The following EHBP1 variants were observed in gnomAD, a reference collection of about 807,000 sequenced individuals.
EHBP1 encodes the protein EH domain-binding protein 1.
Under a neutral mutation model 144.0 loss-of-function variants are expected in EHBP1, and 55 were observed. The observed-to-expected ratio is 0.38, with a 90% CI of 0.31 to 0.48. The LOEUF (loss-of-function observed/expected upper bound fraction) is 0.48, where lower values mean the gene tolerates loss of function less well. Among genes scored for constraint, EHBP1 ranks in the 20% least tolerant of loss-of-function variants. EHBP1 has a pLI of 0.98. For synonymous variants in EHBP1, 469 were observed against 472.7 expected (o/e 0.99, Z 0.10); for missense variants, 1,200 against 1,364.2 (o/e 0.88, Z 1.90).
intron 15 of EHBP1, chr2:62,987,949 A>G: frequency 6.3e-7 from 1 of 1,586,320 alleles, no homozygotes; most frequent in Admixed American, 1.7e-5. Context: ...GATAATATTG[A>G]GATAGATACT....
intron 2 of EHBP1, among the ~76,000 whole-genome samples, chr2:62,726,265 G>A (rs2036780830): frequency 1.3e-5 from 2 of 152,220 alleles, no homozygotes; most frequent in Admixed American, 1.3e-4. Flanking sequence ...TGTGGTGGAG[G>A]AGTCTCCTCT....
intron 19 of EHBP1, among the ~76,000 whole-genome samples, chr2:63,004,046 C>G (rs555509331): frequency 6.6e-6 from 1 of 152,166 alleles, no homozygotes; most frequent in African/African-American, 2.4e-5. Context: ...TTTTGCTAAT[C>G]CATCTTAATT....
At chr2:63,005,481 G>A (rs1001168514) in intron 19 of EHBP1, among the ~76,000 whole-genome samples, 3 of 152,016 alleles carry the variant, frequency 2.0e-5, no homozygotes, top group African/African-American at 4.8e-5. Flanking sequence ...CAAATAAATC[G>A]AGTTCCACTT....
At chr2:62,858,646 T>G in intron 7 of EHBP1, 1 of 613,938 alleles carries the variant, frequency 1.6e-6, no homozygotes, top group Middle Eastern at 2.5e-4. Flanking sequence ...TTTGGTAATT[T>G]GTAGTGCACC....
intron 5 of EHBP1, among the ~76,000 whole-genome samples, chr2:62,812,184 T>A (rs1361002511): frequency 6.6e-6 from 1 of 152,230 alleles, no homozygotes; most frequent in Non-Finnish European, 1.5e-5. Flanking sequence ...CACCAGATGC[T>A]GGCTCCTTGA....
At chr2:62,911,700 G>T (rs886969400) in intron 10 of EHBP1, among the ~76,000 whole-genome samples, 1 of 152,188 alleles carries the variant, frequency 6.6e-6, no homozygotes, top group Non-Finnish European at 1.5e-5. Context: ...GACTTCAGGT[G>T]ATCTGCCCAC....
chr2:62,832,156 GA>G (rs1235635742), intron 7 of EHBP1, among the ~76,000 whole-genome samples: 1 of 152,090 alleles, frequency 6.6e-6, no homozygotes, highest in Non-Finnish European at 1.5e-5. Context: ...CCATGTTTTG[GA>G]GAGTGTGTTT....
chr2:62,681,338 G>GTATATATATATATATATA (rs1376388270), intron 1 of EHBP1, among the ~76,000 whole-genome samples: 236 of 16,872 alleles, frequency 0.014, 1 homozygote, highest in Non-Finnish European at 0.018. Flanking sequence ...GTATGTGTGT[G>GTATATATATATATATATA]TGTATATATA....
intron 19 of EHBP1, among the ~76,000 whole-genome samples, chr2:62,999,829 G>A (rs1174911929): frequency 6.6e-6 from 1 of 152,092 alleles, no homozygotes; most frequent in Non-Finnish European, 1.5e-5. Context: ...TATATACCGA[G>A]GATTGGAATT....
intron 21 of EHBP1, among the ~76,000 whole-genome samples, chr2:63,040,046 T>C (rs2061595225): frequency 1.3e-5 from 2 of 151,886 alleles, no homozygotes. Flanking sequence ...TACTAAATGG[T>C]ATTTTTCCTC....
At chr2:62,840,429 G>T (rs1399218927) in intron 7 of EHBP1, among the ~76,000 whole-genome samples, 1 of 143,692 alleles carries the variant, frequency 7.0e-6, no homozygotes. Flanking sequence ...TTAGGCATGG[G>T]CAAGGACTTC....
intron 7 of EHBP1, among the ~76,000 whole-genome samples, chr2:62,849,811 A>G (rs1428319139): frequency 2.6e-5 from 4 of 152,142 alleles, no homozygotes; most frequent in African/African-American, 9.7e-5. Context: ...GTTGAATTCT[A>G]TTTTTAATAT....
chr2:62,903,795 AGAAG>A (rs2053594440), intron 10 of EHBP1, among the ~76,000 whole-genome samples: 1 of 151,916 alleles, frequency 6.6e-6, no homozygotes, highest in Non-Finnish European at 1.5e-5. Context: ...GAGGAGAAGG[AGAAG>A]GAGAAGGAGA....
At chr2:62,920,384 C>G (rs1312209493) in intron 10 of EHBP1, among the ~76,000 whole-genome samples, 1 of 152,056 alleles carries the variant, frequency 6.6e-6, no homozygotes, top group African/African-American at 2.4e-5. Context: ...AAAAACTGCC[C>G]TTCAAAAATG....
chr2:62,823,691 ATTC>A (rs2046148468), intron 5 of EHBP1, among the ~76,000 whole-genome samples: 1 of 152,112 alleles, frequency 6.6e-6, no homozygotes, highest in African/African-American at 2.4e-5. Flanking sequence ...CCTCATTACT[ATTC>A]TTCTTAAAAT....
At chr2:62,930,527 A>G (rs1475949495) in intron 10 of EHBP1, among the ~76,000 whole-genome samples, 6 of 152,200 alleles carry the variant, frequency 3.9e-5, no homozygotes, top group Admixed American at 6.5e-5. Context: ...ACAAAAATCC[A>G]TGTTAATATT....
chr2:62,932,769 C>T (rs1238486310), intron 10 of EHBP1, among the ~76,000 whole-genome samples: 2 of 151,918 alleles, frequency 1.3e-5, no homozygotes, highest in Non-Finnish European at 2.9e-5. Context: ...GCCTGGGCAA[C>T]GTGGCGGAAT....
At chr2:62,782,532 C>G (rs192591405) in intron 5 of EHBP1, among the ~76,000 whole-genome samples, 8 of 152,040 alleles carry the variant, frequency 5.3e-5, no homozygotes, top group Non-Finnish European at 1.2e-4. Flanking sequence ...TTTAATTGAC[C>G]CACAGTTCCG....
chr2:62,903,096 T>C (rs2053541249), intron 10 of EHBP1, among the ~76,000 whole-genome samples: 1 of 152,192 alleles, frequency 6.6e-6, no homozygotes, highest in East Asian at 1.9e-4. Flanking sequence ...CAGAGAAGCA[T>C]TTAAAACAAA....
Sources: allele counts gnomAD v4.1 joint callset (sites outside exome capture counted in the v4.1 genomes callset), GRCh38; gene constraint gnomAD v4.1.1; transcripts MANE v1.5; gene names NCBI Gene and HGNC (gene_info 2026-07-23, HGNC 2026-07-21).